The following LINGO2 variants were observed in gnomAD, a reference collection of about 807,000 sequenced individuals.
LINGO2 encodes leucine rich repeat and Ig domain containing 2.
In LINGO2, 14 loss-of-function variants were observed where a neutral mutation model predicts 30.6. The observed-to-expected ratio is 0.46, with a 90% CI of 0.30 to 0.72. The LOEUF is 0.72. Ranked by LOEUF, LINGO2 falls within the 30% of genes least tolerant of loss-of-function variation. LINGO2 has a pLI of 0.07. For missense variants in LINGO2, 729 were observed against 751.7 expected (o/e 0.97, Z 0.35); for synonymous variants, 317 against 288.5 (o/e 1.10, Z -1.00).
chr9:28,444,252 T>C (rs546318081), intron 2 of LINGO2, among the ~76,000 whole-genome samples: 1 of 152,140 alleles, frequency 6.6e-6, no homozygotes, highest in Non-Finnish European at 1.5e-5. Context: ...GGTGAAACGC[T>C]CTTAGACTGT....
chr9:28,185,838 T>C (rs1199761934), intron 4 of LINGO2, among the ~76,000 whole-genome samples: 2 of 152,154 alleles, frequency 1.3e-5, no homozygotes, highest in Non-Finnish European at 2.9e-5. Context: ...GAAATCTGCA[T>C]CTTTTATACT....
chr9:28,287,538 T>A (rs1302798551), intron 4 of LINGO2, among the ~76,000 whole-genome samples: 1 of 152,202 alleles, frequency 6.6e-6, no homozygotes, highest in African/African-American at 2.4e-5. Flanking sequence ...TTGTGAGCAG[T>A]ATGTGCCAAG....
At chr9:28,058,928 C>A (rs1352652794) in intron 4 of LINGO2, among the ~76,000 whole-genome samples, 1 of 152,048 alleles carries the variant, frequency 6.6e-6, no homozygotes, top group African/African-American at 2.4e-5. Context: ...TATAAGTAAA[C>A]AATTATATAT....
intron 1 of LINGO2, among the ~76,000 whole-genome samples, chr9:28,513,431 T>A (rs1415780876): frequency 6.6e-6 from 1 of 152,218 alleles, no homozygotes; most frequent in Non-Finnish European, 1.5e-5. Context: ...TTTTTTAGGG[T>A]ACAGCTATAT....
intron 1 of LINGO2, among the ~76,000 whole-genome samples, chr9:28,558,361 A>G (rs1029420515): frequency 5.3e-5 from 8 of 151,862 alleles, no homozygotes; most frequent in African/African-American, 1.9e-4. Context: ...GTAGATCTCA[A>G]TAAGAGGGGA....
intron 4 of LINGO2, among the ~76,000 whole-genome samples, chr9:28,181,537 G>C (rs930585334): frequency 3.3e-5 from 5 of 152,114 alleles, no homozygotes; most frequent in Non-Finnish European, 5.9e-5. Flanking sequence ...GCCAGCAATG[G>C]TGTGTTAATA....
At chr9:28,174,802 C>T (rs1828697845) in intron 4 of LINGO2, among the ~76,000 whole-genome samples, 1 of 151,962 alleles carries the variant, frequency 6.6e-6, no homozygotes, top group Admixed American at 6.6e-5. Flanking sequence ...ATGAAAGGTA[C>T]TCAATAAATG....
rs893682916 is a variant in LINGO2 at position 28,329,444 on chromosome 9, C to T, written c.-245-34078G>A. On this transcript the variant is annotated intron_variant, in intron 3 of 5. Coordinates refer to ENST00000379992, the Ensembl canonical transcript of LINGO2. This position sits in a 1 kb window ranked among gnomAD's most constrained non-coding sequence, Gnocchi z 4.5. ...AGGGGCACACACCACGCTGTCTCTT[C>T]GGCCAAGTCATTATTTCTTGTCATG... Among the ~76,000 whole-genome samples the T allele has an allele frequency of 7.2e-5, 11 of 152,100 alleles. No individual in the cohort carries two copies. The highest frequency in any genetic ancestry group is 2.2e-4 in the African/African-American group (9 of 41,420).
At chr9:28,602,987 A>G (rs893415627) in intron 1 of LINGO2, among the ~76,000 whole-genome samples, 3 of 152,084 alleles carry the variant, frequency 2.0e-5, no homozygotes, top group Non-Finnish European at 2.9e-5. Flanking sequence ...TTCTTATACA[A>G]TTTAGGTCCA....
chr9:28,936,264 T>C, the LINGO2 span, among the ~76,000 whole-genome samples: 551 of 152,264 alleles, frequency 3.6e-3, 2 homozygotes, highest in African/African-American at 0.013. Context: ...AACAAAAGCC[T>C]GTACACAAAA....
intron 2 of LINGO2, among the ~76,000 whole-genome samples, chr9:28,424,831 T>C (rs1458855503): frequency 6.6e-6 from 1 of 152,092 alleles, no homozygotes; most frequent in Non-Finnish European, 1.5e-5. Context: ...AGAGGCAGTG[T>C]TGTGCAGTAG....
chr9:28,040,770 T>C (rs1275285089), intron 4 of LINGO2, among the ~76,000 whole-genome samples: 1 of 31,464 alleles, frequency 3.2e-5, no homozygotes, highest in East Asian at 5.4e-4. Flanking sequence ...AACTGACTTT[T>C]CCCAAAACAG....
chr9:28,215,105 G>C (rs1237637631), intron 4 of LINGO2, among the ~76,000 whole-genome samples: 3 of 151,622 alleles, frequency 2.0e-5, no homozygotes, highest in African/African-American at 7.3e-5. Flanking sequence ...GAGAATGGCT[G>C]ATATTGCTGC....
At chr9:28,037,399 G>T (rs1147816) in intron 4 of LINGO2, among the ~76,000 whole-genome samples, 116,217 of 152,024 alleles carry the variant, frequency 0.76, 44,825 homozygotes, top group Non-Finnish European at 0.82. Flanking sequence ...ACCTTGCCTT[G>T]ATCTTTTCCT....
intron 4 of LINGO2, among the ~76,000 whole-genome samples, chr9:28,166,101 T>C (rs1828419145): frequency 6.6e-6 from 1 of 152,198 alleles, no homozygotes; most frequent in Non-Finnish European, 1.5e-5. Context: ...TACTCATTCA[T>C]TATATATCTG....
At chr9:28,595,590 G>A (rs1433441402) in intron 1 of LINGO2, among the ~76,000 whole-genome samples, 1 of 152,070 alleles carries the variant, frequency 6.6e-6, no homozygotes, top group Non-Finnish European at 1.5e-5. Flanking sequence ...CCAATAGTGA[G>A]TGTACAAAAA....
the LINGO2 span, among the ~76,000 whole-genome samples, chr9:28,885,356 T>TACACACAC: frequency 5.9e-4 from 78 of 132,958 alleles, 2 homozygotes; most frequent in Middle Eastern, 4.0e-3. Flanking sequence ...GAGATATATA[T>TACACACAC]ATATACACAC....
the LINGO2 span, among the ~76,000 whole-genome samples, chr9:28,861,787 T>G: frequency 6.6e-6 from 1 of 151,640 alleles, no homozygotes; most frequent in Non-Finnish European, 1.5e-5. Context: ...AAACCTACAC[T>G]AAAAATTAAT....
At chr9:28,498,843 G>T (rs1345261889) in intron 1 of LINGO2, among the ~76,000 whole-genome samples, 1 of 151,920 alleles carries the variant, frequency 6.6e-6, no homozygotes, top group East Asian at 1.9e-4. Context: ...GGTGTCTAGT[G>T]CATGAAAGAT....
Sources: allele counts gnomAD v4.1 joint callset (sites outside exome capture counted in the v4.1 genomes callset), GRCh38; gene constraint gnomAD v4.1.1; non-coding constraint Gnocchi (gnomAD v3.1); transcripts MANE v1.5; gene names NCBI Gene and HGNC (gene_info 2026-07-23, HGNC 2026-07-21).